Variants in RIMBP2 observed in about 807,000 individuals in gnomAD.
The protein encoded by RIMBP2 is RIMS binding protein 2, also known as RIMS-binding protein 2.
RIMBP2 carries 48 observed loss-of-function variants against 118.6 expected under a neutral mutation model. The ratio of observed to expected loss-of-function variants is 0.40; its 90% CI spans 0.32 to 0.51. The LOEUF (loss-of-function observed/expected upper bound fraction) is 0.51, where lower values mean the gene tolerates loss of function less well. RIMBP2 is among the 20% of genes least tolerant of loss of function. The pLI is 0.41. For missense variants in RIMBP2, 1,551 were observed against 1,768.3 expected (o/e 0.88, Z 2.20); for synonymous variants, 762 against 742.9 (o/e 1.03, Z -0.42).
intron 1 of RIMBP2, among the ~76,000 whole-genome samples, chr12:130,667,142 G>GTA (rs2063982488): frequency 1.3e-5 from 1 of 75,520 alleles, no homozygotes; most frequent in Admixed American, 1.1e-4. Context: ...AGAGAGGGAG[G>GTA]GAAGGGAGGA....
chr12:130,439,399 GTATGTATA>G (rs532277975), intron 11 of RIMBP2, among the ~76,000 whole-genome samples: 70 of 150,204 alleles, frequency 4.7e-4, no homozygotes, highest in South Asian at 1.1e-3. Context: ...GGATGCATGT[GTATGTATA>G]TATGTGTATA....
intron 5 of RIMBP2, among the ~76,000 whole-genome samples, chr12:130,473,050 C>T (rs1322101735): frequency 6.6e-6 from 1 of 152,148 alleles, no homozygotes; most frequent in African/African-American, 2.4e-5. Flanking sequence ...TAGTTTTCAA[C>T]TGGCAGGATT....
chr12:130,436,731 T>C, intron 13 of RIMBP2, 111 bp downstream of exon 13: 1 of 895,428 alleles, frequency 1.1e-6, no homozygotes, highest in East Asian at 3.3e-5. Context: ...GCGGCCCCCC[T>C]CCCTGCAAGC....
chr12:130,504,862 T>C (rs1014040635), intron 4 of RIMBP2, among the ~76,000 whole-genome samples: 1 of 152,204 alleles, frequency 6.6e-6, no homozygotes, highest in Non-Finnish European at 1.5e-5. Context: ...CCTTCCCCAG[T>C]CATATCAATC....
At chr12:130,680,121 A>G (rs940207762) in intron 1 of RIMBP2, among the ~76,000 whole-genome samples, 2 of 152,384 alleles carry the variant, frequency 1.3e-5, no homozygotes, top group Middle Eastern at 3.4e-3. Flanking sequence ...TATGCTTTGT[A>G]TGGAAACAGG....
chr12:130,705,701 A>G (rs1004797408), intron 1 of RIMBP2, among the ~76,000 whole-genome samples: 1 of 152,222 alleles, frequency 6.6e-6, no homozygotes, highest in Non-Finnish European at 1.5e-5. Flanking sequence ...GCAGGAGTGA[A>G]CTGCTGCAGG....
chr12:130,602,198 A>C (rs752964066), intron 2 of RIMBP2, among the ~76,000 whole-genome samples: 6 of 152,274 alleles, frequency 3.9e-5, no homozygotes, highest in Non-Finnish European at 8.8e-5. Flanking sequence ...CAGGCATATG[A>C]CAAACATTAA....
At chr12:130,629,163 G>A (rs776418374) in intron 1 of RIMBP2, among the ~76,000 whole-genome samples, 5 of 152,122 alleles carry the variant, frequency 3.3e-5, no homozygotes, top group African/African-American at 4.8e-5. Flanking sequence ...AATTAACTTC[G>A]GTTTCATCAA....
At chr12:130,496,026 G>C (rs902973848) in intron 4 of RIMBP2, among the ~76,000 whole-genome samples, 4 of 152,174 alleles carry the variant, frequency 2.6e-5, no homozygotes, top group African/African-American at 9.7e-5. Flanking sequence ...CTGACTCATT[G>C]GACCTAAACT....
chr12:130,655,181 G>C (rs12300894), intron 1 of RIMBP2, among the ~76,000 whole-genome samples: 20,934 of 152,184 alleles, frequency 0.14, 1,524 homozygotes, highest in Admixed American at 0.21. Context: ...GGACAAAGAG[G>C]AGTGTGCCCT....
chr12:130,398,978 C>T (rs1309530322), intron 22 of RIMBP2: 1 of 401,476 alleles, frequency 2.5e-6, no homozygotes, highest in East Asian at 3.8e-5. Context: ...TATTTAGGTC[C>T]AATAGTTTTT....
chr12:130,533,425 G>A (rs2053685701), intron 2 of RIMBP2, among the ~76,000 whole-genome samples: 1 of 152,134 alleles, frequency 6.6e-6, no homozygotes, highest in Non-Finnish European at 1.5e-5. Context: ...GCAAGGATAT[G>A]GACAAAAGGG....
intron 1 of RIMBP2, among the ~76,000 whole-genome samples, chr12:130,652,340 T>G (rs12371807): frequency 0.17 from 26,621 of 152,216 alleles, 2,813 homozygotes; most frequent in Non-Finnish European, 0.24. Flanking sequence ...CACAAAGACT[T>G]TCTAGCCTGC....
intron 1 of RIMBP2, among the ~76,000 whole-genome samples, chr12:130,664,985 A>G (rs1372686905): frequency 6.6e-6 from 1 of 151,594 alleles, no homozygotes; most frequent in Admixed American, 6.6e-5. Flanking sequence ...TCTGGACCAG[A>G]GCCGCCCTCA....
At chr12:130,458,323 T>G (rs751404758) in intron 6 of RIMBP2, among the ~76,000 whole-genome samples, 1 of 152,180 alleles carries the variant, frequency 6.6e-6, no homozygotes, top group African/African-American at 2.4e-5. Flanking sequence ...AAGATAGGCA[T>G]AGAGCTAAAA....
At chr12:130,487,417 A>G (rs918782466) in intron 4 of RIMBP2, among the ~76,000 whole-genome samples, 9 of 152,070 alleles carry the variant, frequency 5.9e-5, no homozygotes, top group African/African-American at 1.9e-4. Flanking sequence ...TGTTTAAGGG[A>G]GCCTGGCTCC....
intron 4 of RIMBP2, among the ~76,000 whole-genome samples, chr12:130,498,588 A>G (rs964261890): frequency 2.0e-5 from 3 of 151,482 alleles, no homozygotes; most frequent in African/African-American, 7.3e-5. Context: ...CTGAGACCCA[A>G]TAAGCCAGGA....
intron 2 of RIMBP2, among the ~76,000 whole-genome samples, chr12:130,569,334 C>G (rs1018547914): frequency 6.6e-6 from 1 of 152,176 alleles, no homozygotes; most frequent in African/African-American, 2.4e-5. Flanking sequence ...AGCAAAGCGT[C>G]CCCCTCCAGC....
rs1382389504 is a variant in RIMBP2 at position 130,620,568 on chromosome 12, C to T, written c.-217+7754G>A. Among the ~76,000 whole-genome samples the T allele has an allele frequency of 3.9e-5, 6 of 152,154 alleles. No homozygotes were observed. Among genetic ancestry groups the T allele is most frequent in the South Asian group, 2.1e-4 (1 of 4,822 alleles). ...GGCCAGATGCCCAAGCTCGGGGTGT[C>T]GGCAGGGCTGCTCCTCAGGTCACAG... On this transcript the variant is annotated intron_variant, in intron 2 of 22. Transcript: ENST00000690449. This position sits in a 1 kb window ranked among gnomAD's most constrained non-coding sequence, Gnocchi z 5.3.
Sources: gnomAD v4.1 joint callset for allele counts (sites outside exome capture counted in the v4.1 genomes callset) on GRCh38, gnomAD v4.1.1 for gene constraint, Gnocchi (gnomAD v3.1) non-coding constraint, MANE v1.5 for transcripts, NCBI Gene and HGNC (gene_info 2026-07-23, HGNC 2026-07-21) for gene names.